Variants in GRIN2A observed in about 807,000 individuals in gnomAD.
The protein encoded by GRIN2A is glutamate receptor ionotropic, NMDA 2A.
GRIN2A carries 22 observed loss-of-function variants against 113.4 expected under a neutral mutation model. That is an observed-to-expected ratio of 0.19 (90% CI 0.14 to 0.28). GRIN2A has a LOEUF of 0.28. Ranked by LOEUF, GRIN2A falls within the 10% of genes least tolerant of loss-of-function variation. GRIN2A has a pLI of 1.00. For missense variants in GRIN2A, 1,502 were observed against 1,887.0 expected (o/e 0.80, Z 3.78); for synonymous variants, 827 against 738.4 (o/e 1.12, Z -1.94).
intron 2 of GRIN2A, among the ~76,000 whole-genome samples, chr16:10,166,272 G>C (rs1273756685): frequency 6.6e-6 from 1 of 152,166 alleles, no homozygotes; most frequent in African/African-American, 2.4e-5. Flanking sequence ...ACGGAAATCT[G>C]CAAAAAGCTC....
At chr16:9,850,874 G>A (rs1378194529) in intron 4 of GRIN2A, among the ~76,000 whole-genome samples, 2 of 152,184 alleles carry the variant, frequency 1.3e-5, no homozygotes, top group South Asian at 2.1e-4. Context: ...GCTTATTGGC[G>A]CTATTCACAT....
In GRIN2A at chr16:9,754,890, G is replaced by C. The variant is rs1285770403; in HGVS notation, c.*8259C>G. The C allele has an allele frequency of 4.5e-6, 1 of 224,058 alleles. No homozygotes were observed. Among genetic ancestry groups the C allele is most frequent in the Non-Finnish European group, 8.9e-6 (1 of 112,386 alleles). The allele number at this position is 224,058 out of a possible 1,614,324, so 13.9% of individuals were successfully genotyped here. A position where few individuals can be genotyped will look rare whatever the true frequency, so the allele number is the denominator to read the frequency against. ...TAAAACTTGAAACAGCAAAATGTCA[G>C]ATCAATGGGAAGCATTTAAAATGCC... On this transcript the variant is annotated 3_prime_UTR_variant, in exon 13 of 13. Coordinates refer to ENST00000330684, the MANE Select transcript of GRIN2A (RefSeq NM_001134407.3).
chr16:9,830,179 C>T (rs1008489774), intron 8 of GRIN2A, among the ~76,000 whole-genome samples: 2 of 152,176 alleles, frequency 1.3e-5, no homozygotes, highest in African/African-American at 4.8e-5. Flanking sequence ...TTAAACCAAA[C>T]TAAAACCCTC....
chr16:10,034,799 T>C (rs2046995327), intron 2 of GRIN2A, among the ~76,000 whole-genome samples: 1 of 152,168 alleles, frequency 6.6e-6, no homozygotes, highest in Non-Finnish European at 1.5e-5. Context: ...CACTAGGACT[T>C]TGCATTTTCA....
chr16:9,902,958 T>TTTG (rs2043957556), intron 3 of GRIN2A, among the ~76,000 whole-genome samples: 1 of 35,760 alleles, frequency 2.8e-5, no homozygotes, highest in African/African-American at 1.6e-4. Context: ...TTTTTTTTTT[T>TTTG]TGGCGGGGGG....
At chr16:9,994,147 T>C (rs1415704963) in intron 2 of GRIN2A, among the ~76,000 whole-genome samples, 2 of 152,212 alleles carry the variant, frequency 1.3e-5, no homozygotes, top group African/African-American at 4.8e-5. Context: ...CCTTTCTCAC[T>C]TAAAAATGGA....
Position 10,126,736 on chromosome 16 carries a change from C to T in GRIN2A, c.414+53262G>A, listed in dbSNP as rs1220869550. ...ATGTTATTGCTGGAACTCCCTGAAA[C>T]GACCACAAAGCAACCATTTGATTCT... On this transcript the variant is annotated intron_variant, in intron 2 of 12. Transcript: ENST00000330684. Among the ~76,000 whole-genome samples, 14 of 152,218 alleles carry T rather than the reference C, an allele frequency of 9.2e-5. 1 individual carries two copies. Among genetic ancestry groups the T allele is most frequent in the African/African-American group, 1.4e-4 (6 of 41,544 alleles).
chr16:9,815,831 C>T (rs539501313), intron 10 of GRIN2A, among the ~76,000 whole-genome samples: 19 of 152,178 alleles, frequency 1.2e-4, no homozygotes, highest in Non-Finnish European at 2.6e-4. Flanking sequence ...TTCACAGAAG[C>T]ATGATTCAAA....
intron 5 of GRIN2A, among the ~76,000 whole-genome samples, chr16:9,847,622 T>C (rs906986382): frequency 2.0e-4 from 30 of 149,920 alleles, no homozygotes; most frequent in African/African-American, 6.9e-4. Flanking sequence ...TATAATGTTT[T>C]ATATATTTTT....
At chr16:10,065,520 TC>T (rs1435056636) in intron 2 of GRIN2A, among the ~76,000 whole-genome samples, 1 of 152,226 alleles carries the variant, frequency 6.6e-6, no homozygotes, top group Non-Finnish European at 1.5e-5. Context: ...TAAATCTCTG[TC>T]ATTTGCTCAC....
chr16:9,967,778 G>A (rs910118009), intron 2 of GRIN2A, among the ~76,000 whole-genome samples: 6 of 152,026 alleles, frequency 3.9e-5, no homozygotes, highest in African/African-American at 1.5e-4. Context: ...AGGGATAAAA[G>A]ACTACAATAG....
chr16:10,127,385 A>ATG (rs2048961788), intron 2 of GRIN2A, among the ~76,000 whole-genome samples: 1 of 152,116 alleles, frequency 6.6e-6, no homozygotes, highest in Non-Finnish European at 1.5e-5. Flanking sequence ...CAACCTCTGC[A>ATG]TGTGATATTC....
At chr16:9,888,433 A>C (rs1230713410) in intron 4 of GRIN2A, among the ~76,000 whole-genome samples, 1 of 151,834 alleles carries the variant, frequency 6.6e-6, no homozygotes, top group Non-Finnish European at 1.5e-5. Context: ...AATCTATTTC[A>C]GGTAATTATG....
intron 2 of GRIN2A, among the ~76,000 whole-genome samples, chr16:10,175,394 G>C (rs2050122036): frequency 6.6e-6 from 1 of 152,124 alleles, no homozygotes; most frequent in Non-Finnish European, 1.5e-5. Flanking sequence ...AGAGGGCAAA[G>C]CACAATAAGA....
chr16:10,166,522 C>T (rs1596571389), intron 2 of GRIN2A, among the ~76,000 whole-genome samples: 1 of 152,254 alleles, frequency 6.6e-6, no homozygotes, highest in East Asian at 1.9e-4. Flanking sequence ...CCAATTTGAC[C>T]CCAGATCCCT....
chr16:9,795,578 G>A (rs940976666), intron 11 of GRIN2A, among the ~76,000 whole-genome samples: 5 of 152,132 alleles, frequency 3.3e-5, no homozygotes, highest in African/African-American at 1.2e-4. Context: ...CTCTCTTGAG[G>A]TCTGCATTGG....
chr16:9,854,892 A>G (rs760274865), intron 4 of GRIN2A, among the ~76,000 whole-genome samples: 5 of 152,126 alleles, frequency 3.3e-5, no homozygotes, highest in Non-Finnish European at 5.9e-5. Flanking sequence ...GTCCTTGTCA[A>G]TCACATGCTA....
At chr16:10,164,026 A>T (rs182067340) in intron 2 of GRIN2A, among the ~76,000 whole-genome samples, 28 of 152,364 alleles carry the variant, frequency 1.8e-4, no homozygotes, top group Non-Finnish European at 3.1e-4. Flanking sequence ...CCTTAAGTAA[A>T]TAGCTTGAAG....
intron 10 of GRIN2A, among the ~76,000 whole-genome samples, chr16:9,806,634 G>A (rs578053312): frequency 5.9e-5 from 9 of 151,854 alleles, no homozygotes; most frequent in Admixed American, 6.6e-5. Flanking sequence ...ACATGAAGAC[G>A]GAGACAGAAA....
Sources: allele counts gnomAD v4.1 joint callset (sites outside exome capture counted in the v4.1 genomes callset), GRCh38; gene constraint gnomAD v4.1.1; transcripts MANE v1.5; gene names NCBI Gene and HGNC (gene_info 2026-07-23, HGNC 2026-07-21).